The following ARFGEF1 variants were observed in gnomAD, a reference collection of about 807,000 sequenced individuals.
ARFGEF1 encodes ARF guanine nucleotide exchange factor 1.
Under a neutral mutation model 231.0 loss-of-function variants are expected in ARFGEF1, and 42 were observed. The ratio of observed to expected loss-of-function variants is 0.18; its 90% CI spans 0.14 to 0.24. The LOEUF is 0.24. Ranked by LOEUF, ARFGEF1 falls within the 10% of genes least tolerant of loss-of-function variation. ARFGEF1 has a pLI of 1.00. For missense variants in ARFGEF1, 1,345 were observed against 2,192.0 expected, an observed-to-expected ratio of 0.61 and a Z score of 7.72; for synonymous variants, 710 against 732.3, an observed-to-expected ratio of 0.97 and a Z score of 0.49.
chr8:67,303,105 CAA>C (rs879885919), intron 1 of ARFGEF1, among the ~76,000 whole-genome samples: 5 of 130,198 alleles, frequency 3.8e-5, no homozygotes, highest in Admixed American at 7.7e-5. Flanking sequence ...GTCCTCCCAC[CAA>C]AAAAAAAAAA....
At chr8:67,196,048 T>TATTA (rs60225155), downstream of ARFGEF1, 4 of 154,634 alleles carry the variant, frequency 2.6e-5, no homozygotes, top group South Asian at 2.0e-4. Flanking sequence ...TCAAATGTCC[T>TATTA]ATTAATTAAT....
At chr8:67,191,569 G>A (rs1836261811) in intron 5 of ARFGEF1, among the ~76,000 whole-genome samples, 1 of 152,160 alleles carries the variant, frequency 6.6e-6, no homozygotes, top group South Asian at 2.1e-4. Context: ...TCTTTCTTTT[G>A]AAGGTCATTC....
intron 17 of ARFGEF1, among the ~76,000 whole-genome samples, chr8:67,255,747 G>A (rs1840433803): frequency 6.6e-6 from 1 of 152,224 alleles, no homozygotes; most frequent in African/African-American, 2.4e-5. Flanking sequence ...CAGGCAGCAA[G>A]CTGATAAGGA....
chr8:67,287,757 T>C (rs1242538038), intron 7 of ARFGEF1, among the ~76,000 whole-genome samples, 198 bp downstream of exon 7: 2 of 152,242 alleles, frequency 1.3e-5, no homozygotes, highest in Non-Finnish European at 2.9e-5. Flanking sequence ...TCATTTCATT[T>C]CTCAGTGCTA....
At chr8:67,321,585 C>T (rs1052867820) in intron 1 of ARFGEF1, among the ~76,000 whole-genome samples, 1 of 152,100 alleles carries the variant, frequency 6.6e-6, no homozygotes, top group Admixed American at 6.5e-5. Context: ...CTCAGCCTCC[C>T]GAGTAGCTGG....
At position 67,305,496 on chromosome 8, in the gene ARFGEF1, C is replaced by T. The variant is rs1001842743; in HGVS notation, c.125-3030G>A. 4.6e-5 allele frequency among the ~76,000 whole-genome samples: 7 copies of T among 152,102 alleles called. No individual in the cohort carries two copies. The South Asian group carries it at 1.0e-3, about 23-fold the overall frequency. ...CTGAGTAGCTGGGATTACAGGCATG[C>T]GCCACCACACCTAGTTAATTTTGTA... On this transcript the variant is annotated intron_variant, in intron 1 of 38. Transcript: ENST00000262215.
chr8:67,214,733 G>A (rs757620415), intron 33 of ARFGEF1, among the ~76,000 whole-genome samples: 6 of 152,128 alleles, frequency 3.9e-5, no homozygotes, highest in Middle Eastern at 3.2e-3. Flanking sequence ...AACACATACA[G>A]AAGACCCACA....
chr8:67,212,247 TC>T (rs1436176400), intron 33 of ARFGEF1, among the ~76,000 whole-genome samples: 4 of 152,028 alleles, frequency 2.6e-5, no homozygotes, highest in African/African-American at 9.7e-5. Flanking sequence ...CATGCCCGGC[TC>T]ATTTTGTATT....
At chr8:67,194,791 A>AATC (rs1361817257), downstream of ARFGEF1, among the ~76,000 whole-genome samples, 3 of 152,292 alleles carry the variant, frequency 2.0e-5, no homozygotes, top group African/African-American at 7.2e-5. Context: ...AGTTGCGTAC[A>AATC]ATCAATCAGA....
At position 67,238,436 on chromosome 8, in the gene ARFGEF1, G is replaced by C. The variant is rs1183176292; in HGVS notation, c.3196C>G (p.Pro1066Ala). The C allele has an allele frequency of 1.2e-6, 2 of 1,613,940 alleles. No individual in the cohort carries two copies. The highest frequency in any genetic ancestry group is 2.2e-5 in the South Asian group (2 of 91,070). The change falls in exon 22 of 39, where the codon CCT becomes GCT. Residue 1066 changes from proline to alanine, a missense_variant. By Grantham distance (27) the Pro-to-Ala change is conservative. This residue lies in a region of ARFGEF1 where 146 missense variants were observed against 321.4 expected (regional missense o/e 0.45). Transcript: ENST00000262215. Reference protein sequence around the residue: ...LAQLIGTGVKPRYISGTVRGR... With the variant: ...LAQLIGTGVKARYISGTVRGR... ...CGCACTGTTCCAGAAATGTATCGAG[G>C]TTTCACTCCAGTTCCTATAAGCTGT... is the stretch of plus-strand genomic sequence containing the variant.
chr8:67,230,074 C>A (rs1839505784), intron 23 of ARFGEF1, among the ~76,000 whole-genome samples: 1 of 151,920 alleles, frequency 6.6e-6, no homozygotes, highest in Non-Finnish European at 1.5e-5. Context: ...GAAAGGGCAT[C>A]CCAATTCCTA....
intron 5 of ARFGEF1, among the ~76,000 whole-genome samples, chr8:67,177,070 C>CAAAAAAAA (rs36084458): frequency 3.9e-5 from 2 of 51,874 alleles, no homozygotes; most frequent in Non-Finnish European, 3.9e-5. Flanking sequence ...GACTTAGTCT[C>CAAAAAAAA]AAAAAAAAAA....
chr8:67,294,582 G>C (rs552085418), intron 5 of ARFGEF1, among the ~76,000 whole-genome samples: 1 of 152,114 alleles, frequency 6.6e-6, no homozygotes, highest in Admixed American at 6.6e-5. Context: ...AATGTATTTA[G>C]AATACAAAAG....
intron 10 of ARFGEF1, among the ~76,000 whole-genome samples, chr8:67,269,510 C>T (rs939386361): frequency 6.6e-6 from 1 of 151,884 alleles, no homozygotes; most frequent in South Asian, 2.1e-4. Flanking sequence ...CACCACCACA[C>T]CCGGCTAATT....
downstream of ARFGEF1, chr8:67,195,494 G>A (rs1563816646): frequency 1.2e-6 from 2 of 1,614,090 alleles, no homozygotes; most frequent in African/African-American, 2.7e-5. Context: ...CAGAAACGCT[G>A]AAACGTTTCA....
At chr8:67,207,759 C>T (rs988869085) in intron 34 of ARFGEF1, among the ~76,000 whole-genome samples, 4 of 152,178 alleles carry the variant, frequency 2.6e-5, no homozygotes, top group African/African-American at 9.7e-5. Flanking sequence ...ACAACCTATC[C>T]ACCAAGGAAG....
At chr8:67,297,770 C>T (rs933744639) in intron 4 of ARFGEF1, among the ~76,000 whole-genome samples, 1 of 151,302 alleles carries the variant, frequency 6.6e-6, no homozygotes, top group African/African-American at 2.4e-5. Flanking sequence ...TGACATGAAA[C>T]TATACATGAT....
At position 67,267,148 on chromosome 8, in the gene ARFGEF1, A is replaced by G; in HGVS notation, c.1755T>C (p.Asp585=). Reference sequence around the variant, plus strand: ...CCCTTCCTTGAGCAATTTTTGATAGATCATTTACTAGTCTTTCAAATATAT... The same window carrying G: ...CCCTTCCTTGAGCAATTTTTGATAGGTCATTTACTAGTCTTTCAAATATAT... ...AANIFERLVN[D]LSKIAQGRGS... Residue 585 remains aspartate (D), a synonymous_variant, in exon 12 of 39, where the codon GAT becomes GAC. Transcript: ENST00000262215. 1.2e-6 allele frequency: 2 copies of G among 1,613,334 alleles called. No homozygotes were observed. Among genetic ancestry groups the G allele is most frequent in the Admixed American group, 3.3e-5 (2 of 59,986 alleles).
At chr8:67,249,190 T>TAAGG (rs1840197346) in intron 19 of ARFGEF1, among the ~76,000 whole-genome samples, 1 of 150,486 alleles carries the variant, frequency 6.6e-6, no homozygotes, top group South Asian at 2.1e-4. Context: ...TGGTTCAACT[T>TAAGG]ACCATTTTTT....
Sources: allele counts gnomAD v4.1 joint callset (sites outside exome capture counted in the v4.1 genomes callset), GRCh38; gene constraint gnomAD v4.1.1; regional missense constraint gnomAD v4.1.1; transcripts MANE v1.5; gene names NCBI Gene and HGNC (gene_info 2026-07-23, HGNC 2026-07-21).